Variants in CEP72 observed in about 807,000 individuals in gnomAD.
The protein encoded by CEP72 is centrosomal protein of 72 kDa.
In CEP72, 78 loss-of-function variants were observed where a neutral mutation model predicts 65.7. That is an observed-to-expected ratio of 1.19 (90% CI 0.99 to 1.43). The LOEUF is 1.43. Ranked by LOEUF, CEP72 falls within the 40% of genes most tolerant of loss-of-function variation. The pLI is 0.00. For missense variants in CEP72, 914 were observed against 832.9 expected, an observed-to-expected ratio of 1.10 and a Z score of -1.20; for synonymous variants, 358 against 351.7, an observed-to-expected ratio of 1.02 and a Z score of -0.20.
chr5:629,091 G>A (rs1029877916), intron 4 of CEP72, among the ~76,000 whole-genome samples: 3 of 152,252 alleles, frequency 2.0e-5, no homozygotes, highest in Non-Finnish European at 4.4e-5. Context: ...CACAAAAGCA[G>A]CGTTCCTGGT....
intron 9 of CEP72, chr5:641,772 G>A (rs569965214): frequency 7.1e-6 from 7 of 980,502 alleles, no homozygotes; most frequent in East Asian, 2.4e-4. Context: ...TTAAGCACAC[G>A]TGGTCCCCCG....
the CEP72 span, among the ~76,000 whole-genome samples, chr5:673,471 G>A: frequency 1.9e-3 from 286 of 152,158 alleles, 1 homozygote; most frequent in African/African-American, 6.6e-3. Flanking sequence ...GGGAGGGGGG[G>A]AGGTCAGAAT....
chr5:633,844 A>G lies in CEP72; in HGVS notation c.588A>G (p.Ala196=). The G allele has an allele frequency of 6.2e-7, 1 of 1,614,046 alleles. No individual in the cohort carries two copies. Among genetic ancestry groups the G allele is most frequent in the Non-Finnish European group, 8.5e-7 (1 of 1,180,046 alleles). The stretch of plus-strand genomic sequence containing the variant: ...TGGTCATGGATGCGGATGACGAGGC[A>G]GTCCTGAACCTCATTGCAGAGTGCG... The part of the protein sequence containing the change: ...QSLVMDADDE[A]VLNLIAECEW... The change falls in exon 5 of 12, where the codon GCA becomes GCG. Residue 196 remains alanine (A), a synonymous_variant. Coordinates refer to ENST00000264935, the MANE Select transcript of CEP72 (RefSeq NM_018140.4).
Position 624,584 on chromosome 5 carries a change from G to A in CEP72, c.512+5G>A. On this transcript the variant is annotated splice_donor_5th_base_variant and intron_variant, in intron 4 of 11. Transcript: ENST00000264935. This position sits in a 1 kb window ranked among gnomAD's most constrained non-coding sequence, Gnocchi z 4.7. ...AGCTTCTTTGAAAGAGGGCAGGTAT[G>A]AACGGAAGTGCTACGGACACCCAGA... The A allele has an allele frequency of 1.3e-6, 2 of 1,586,284 alleles. No individual in the cohort carries two copies. The highest frequency in any genetic ancestry group is 2.2e-5 in the South Asian group (2 of 90,516).
At chr5:644,657 C>T (rs970570618) in intron 10 of CEP72, among the ~76,000 whole-genome samples, 3 of 152,138 alleles carry the variant, frequency 2.0e-5, no homozygotes, top group Non-Finnish European at 4.4e-5. Flanking sequence ...GCAAGGCCAC[C>T]CCTGTCCTCA....
chr5:641,117 C>T (rs1269797874), intron 9 of CEP72: 2 of 985,306 alleles, frequency 2.0e-6, no homozygotes, highest in Middle Eastern at 5.2e-4. Context: ...CCTTCCGTCT[C>T]AGCCGTGGGC....
intron 3 of CEP72, 25 bp downstream of exon 3, chr5:620,286 C>T (rs1736301699): frequency 6.2e-7 from 1 of 1,601,728 alleles, no homozygotes; most frequent in East Asian, 2.2e-5. Context: ...GGGCCACGCT[C>T]ATGCTTTTGT....
chr5:654,166 C>CGCGTGCACTTGCTCTGTGT (rs1423949790), downstream of CEP72, among the ~76,000 whole-genome samples: 1 of 134,236 alleles, frequency 7.4e-6, no homozygotes, highest in African/African-American at 2.9e-5. Context: ...GTGCTCTGTG[C>CGCGTGCACTTGCTCTGTGT]GCGTGCACTT....
At chr5:665,970 C>G in exon 4 of CEP72, 1 of 1,588,778 alleles carries the variant, frequency 6.3e-7, no homozygotes, top group Non-Finnish European at 8.5e-7. Flanking sequence ...CCCTGCTCAC[C>G]GTCACCCCTG....
In CEP72 at chr5:623,577, C is replaced by T. The variant is rs1027992308; in HGVS notation, c.404-894C>T. 3.3e-5 allele frequency among the ~76,000 whole-genome samples: 5 copies of T among 151,832 alleles called. No individual in the cohort carries two copies. The highest frequency in any genetic ancestry group is 7.4e-5 in the Non-Finnish European group (5 of 68,006). On this transcript the variant is annotated intron_variant, in intron 3 of 11. Coordinates refer to ENST00000264935, the MANE Select transcript of CEP72 (RefSeq NM_018140.4). This position sits in a 1 kb window ranked among gnomAD's most constrained non-coding sequence, Gnocchi z 5.3. Reference sequence around the variant, plus strand: ...TGGAGTACGGGATTTGGAACTGACTCAGAAGGGAAGCGAGTCTTGGTGGGC... The same window carrying T: ...TGGAGTACGGGATTTGGAACTGACTTAGAAGGGAAGCGAGTCTTGGTGGGC...
At chr5:622,638 G>T (rs1039162639) in intron 3 of CEP72, among the ~76,000 whole-genome samples, 1 of 152,248 alleles carries the variant, frequency 6.6e-6, no homozygotes, top group Non-Finnish European at 1.5e-5. Context: ...TCTTGGCAGC[G>T]AGGAGCGCCT....
chr5:638,047 C>T (rs892510402), intron 7 of CEP72, among the ~76,000 whole-genome samples: 66 of 152,136 alleles, frequency 4.3e-4, no homozygotes, highest in Non-Finnish European at 2.2e-4. Context: ...CGGCACTGAC[C>T]GTGTCCCAGG....
chr5:622,023 T>C (rs1709530), intron 3 of CEP72, among the ~76,000 whole-genome samples: 96,064 of 152,182 alleles, frequency 0.63, 30,519 homozygotes, highest in Non-Finnish European at 0.66. Flanking sequence ...ATCTGCCCAC[T>C]CTGGCCTCCC....
chr5:612,458 G>A lies in CEP72; in HGVS notation c.82+15G>A. On this transcript the variant is annotated intron_variant, in intron 1 of 11. Transcript: ENST00000264935. ...CCGCGACCTGGGTGCGCCGGAGGGC[G>A]GGCGGGGGTGCAAGCGTGAGGTGGC... is the stretch of plus-strand genomic sequence containing the variant. 3 of 1,439,008 alleles carry A rather than the reference G, an allele frequency of 2.1e-6. No individual in the cohort carries two copies. The highest frequency in any genetic ancestry group is 1.8e-6 in the Non-Finnish European group (2 of 1,097,080). 89.1% of individuals were successfully genotyped at this position (1,439,008 alleles called of 1,614,324 possible).
At chr5:644,095 C>T (rs1738251517) in intron 9 of CEP72, 5 of 563,176 alleles carry the variant, frequency 8.9e-6, no homozygotes, top group South Asian at 4.1e-5. Flanking sequence ...CTCACTTCCC[C>T]CCTCCCCTGA....
At chr5:654,333 C>CTGTGTGTGCGCGCACGCACCCTG (rs1251351875), downstream of CEP72, among the ~76,000 whole-genome samples, 1 of 148,686 alleles carries the variant, frequency 6.7e-6, no homozygotes, top group African/African-American at 2.5e-5. Flanking sequence ...TGTGTGTGCG[C>CTGTGTGTGCGCGCACGCACCCTG]TGTGTGTGCG....
chr5:653,737 C>T (rs1739257825), downstream of CEP72, among the ~76,000 whole-genome samples: 1 of 152,234 alleles, frequency 6.6e-6, no homozygotes, highest in Non-Finnish European at 1.5e-5. Flanking sequence ...TAACATATCA[C>T]AGCGGAAACA....
intron 1 of CEP72, among the ~76,000 whole-genome samples, chr5:616,051 C>A (rs1472516296): frequency 6.6e-6 from 1 of 152,092 alleles, no homozygotes; most frequent in East Asian, 1.9e-4. Context: ...AATACCTAGC[C>A]TTTTCAGTAA....
At chr5:625,218 A>G (rs1736675844) in intron 4 of CEP72, among the ~76,000 whole-genome samples, 1 of 152,194 alleles carries the variant, frequency 6.6e-6, no homozygotes, top group Non-Finnish European at 1.5e-5. Flanking sequence ...TGCTTTGTTT[A>G]TGGGTTGATT....
Sources: allele counts gnomAD v4.1 joint callset (sites outside exome capture counted in the v4.1 genomes callset), GRCh38; gene constraint gnomAD v4.1.1; non-coding constraint Gnocchi (gnomAD v3.1); transcripts MANE v1.5; gene names NCBI Gene and HGNC (gene_info 2026-07-23, HGNC 2026-07-21).